The following ELMOD1 variants were observed in gnomAD, a reference collection of about 807,000 sequenced individuals.
The protein encoded by ELMOD1 is ELMO domain containing 1, also known as ELMO domain-containing protein 1.
In ELMOD1, 21 loss-of-function variants were observed where a neutral mutation model predicts 46.7. That is an observed-to-expected ratio of 0.45 (90% CI 0.32 to 0.65). The LOEUF (loss-of-function observed/expected upper bound fraction) is 0.65. Among genes scored for constraint, ELMOD1 ranks in the 30% least tolerant of loss-of-function variants. ELMOD1 has a pLI of 0.04. For missense variants in ELMOD1, 348 were observed against 407.8 expected (o/e 0.85, Z 1.26); for synonymous variants, 122 against 138.2 (o/e 0.88, Z 0.82).
In ELMOD1 at chr11:107,654,199, G is replaced by T; in HGVS notation, c.675G>T (p.Lys225Asn). 1 of 1,591,174 alleles carries T rather than the reference G, an allele frequency of 6.3e-7. No homozygotes were observed. Among genetic ancestry groups the T allele is most frequent in the Non-Finnish European group, 8.6e-7 (1 of 1,167,976 alleles). ...ISKFSKAEWE[K>N]KRMDKAIGYS... ...AATTCAGCAAAGCAGAATGGGAGAA[G>T]AAAAGGATGGATAAGGCAATTGGGT... is the stretch of plus-strand genomic sequence containing the variant. Residue 225 changes from lysine (K) to asparagine (N), a missense_variant, in exon 10 of 12, where the codon AAG becomes AAT. Transcript: ENST00000265840.
intron 1 of ELMOD1, among the ~76,000 whole-genome samples, chr11:107,597,080 T>C (rs183656164): frequency 1.3e-5 from 2 of 152,288 alleles, no homozygotes; most frequent in African/African-American, 4.8e-5. Context: ...TAGAAGCTGG[T>C]TTCTGTTGGT....
intron 7 of ELMOD1, among the ~76,000 whole-genome samples, chr11:107,648,727 G>T (rs962487900): frequency 6.7e-6 from 1 of 149,604 alleles, no homozygotes; most frequent in African/African-American, 2.5e-5. Flanking sequence ...AATTCTCAGA[G>T]TCAGGAGTTA....
At chr11:107,600,761 A>G (rs1865583711) in intron 1 of ELMOD1, 1 of 152,582 alleles carries the variant, frequency 6.6e-6, no homozygotes, top group Admixed American at 6.6e-5. Flanking sequence ...CAACACACAC[A>G]TCTGTAATGT....
intron 7 of ELMOD1, among the ~76,000 whole-genome samples, chr11:107,648,386 T>C (rs1866469739): frequency 6.6e-6 from 1 of 152,162 alleles, no homozygotes; most frequent in African/African-American, 2.4e-5. Flanking sequence ...TTCCTGAAAA[T>C]TGGAGGTATG....
At chr11:107,627,940 A>G (rs1866070515) in intron 2 of ELMOD1, among the ~76,000 whole-genome samples, 1 of 152,182 alleles carries the variant, frequency 6.6e-6, no homozygotes, top group African/African-American at 2.4e-5. Context: ...TGAAAATTGC[A>G]CATGGAACAG....
At chr11:107,619,671 T>A (rs1397715639) in intron 2 of ELMOD1, among the ~76,000 whole-genome samples, 1 of 152,190 alleles carries the variant, frequency 6.6e-6, no homozygotes, top group Non-Finnish European at 1.5e-5. Context: ...AGCCTTTGGT[T>A]CTGTTAGTTT....
At chr11:107,654,037 G>A in intron 9 of ELMOD1, 135 bp from the exon 10 acceptor site, 1 of 727,848 alleles carries the variant, frequency 1.4e-6, no homozygotes, top group Non-Finnish European at 2.3e-6. Flanking sequence ...TTGTACTGTG[G>A]CTTAACATTT....
intron 1 of ELMOD1, among the ~76,000 whole-genome samples, chr11:107,594,252 G>A (rs542881527): frequency 6.6e-6 from 1 of 151,354 alleles, no homozygotes; most frequent in African/African-American, 2.4e-5. Flanking sequence ...AAGAGAGCGA[G>A]ATCTTATCCT....
At chr11:107,598,513 T>C (rs1253294057) in intron 1 of ELMOD1, among the ~76,000 whole-genome samples, 1 of 152,136 alleles carries the variant, frequency 6.6e-6, no homozygotes, top group Admixed American at 6.5e-5. Flanking sequence ...CACTCTTTGA[T>C]CAGTCAAGGA....
intron 1 of ELMOD1, chr11:107,600,252 C>T (rs933332965): frequency 2.0e-5 from 3 of 151,718 alleles, no homozygotes; most frequent in African/African-American, 7.3e-5. Flanking sequence ...AATGACTTTA[C>T]AAAAATATAC....
At position 107,654,170 on chromosome 11, in the gene ELMOD1, A is replaced by G; in HGVS notation, c.648-2A>G. On this transcript the variant is annotated splice_acceptor_variant, in intron 9 of 11. Transcript: ENST00000265840. LOFTEE classifies it high-confidence loss of function. ...TACTTACTTATTCATTCATCCATTCAGCAAATTCAGCAAAGCAGAATGGGA... is the reference window on the plus strand; with the variant it reads ...TACTTACTTATTCATTCATCCATTCGGCAAATTCAGCAAAGCAGAATGGGA... 6.3e-7 allele frequency: 1 copy of G among 1,579,704 alleles called. No homozygotes were observed. Among genetic ancestry groups the G allele is most frequent in the South Asian group, 1.2e-5 (1 of 85,718 alleles).
In ELMOD1 at chr11:107,654,189, A is replaced by T. The variant is rs1866579224; in HGVS notation, c.665A>T (p.Glu222Val). The T allele has an allele frequency of 6.3e-7, 1 of 1,589,694 alleles. No homozygotes were observed. The highest frequency in any genetic ancestry group is 1.8e-5 in the Admixed American group (1 of 56,588). The change falls in exon 10 of 12, where the codon GAA (glutamate) becomes GTA (valine). Residue 222 changes from glutamate to valine, a missense_variant. Glu to Val is a moderately radical substitution (Grantham distance 121, BLOSUM62 -2). Transcript: ENST00000265840. ...KEEISKFSKA[E>V]WEKKRMDKAI... ...CCATTCAGCAAATTCAGCAAAGCAG[A>T]ATGGGAGAAGAAAAGGATGGATAAG... is the stretch of plus-strand genomic sequence containing the variant.
At chr11:107,637,714 A>C (rs1866253724) in intron 6 of ELMOD1, among the ~76,000 whole-genome samples, 1 of 152,018 alleles carries the variant, frequency 6.6e-6, no homozygotes. Flanking sequence ...ACCAAAAAAA[A>C]AAAAATCACT....
intron 1 of ELMOD1, among the ~76,000 whole-genome samples, chr11:107,603,446 G>A (rs1056912386): frequency 6.6e-6 from 1 of 152,182 alleles, no homozygotes; most frequent in African/African-American, 2.4e-5. Flanking sequence ...GGCTGAGGTG[G>A]GAGGATCGCT....
rs183437188 is a variant in ELMOD1 at position 107,648,877 on chromosome 11, C to A, written c.554+1276C>A. Among the ~76,000 whole-genome samples the A allele has an allele frequency of 2.8e-3, 418 of 151,696 alleles. 4 individuals are homozygous for A. The highest frequency in any genetic ancestry group is 9.7e-3 in the African/African-American group (400 of 41,314). ...TATTTTTTTCATGCTTTAATTCAGT[C>A]ATGTGTAGTCATTATTTTTTGAGTC... On this transcript the variant is annotated intron_variant, in intron 7 of 11. Coordinates refer to ENST00000265840, the MANE Select transcript of ELMOD1 (RefSeq NM_018712.4).
Position 107,665,140 on chromosome 11 carries a change from C to A in ELMOD1, c.948C>A (p.Asn316Lys). ...FRKRIIKQLQ[N>K]PDMALCPHFA... is the part of the protein sequence containing the mutation. ...AGAGGATCATCAAACAGCTGCAGAACCCAGACATGGCGCTGTGCCCACATT... is the reference window on the plus strand; with the variant it reads ...AGAGGATCATCAAACAGCTGCAGAAACCAGACATGGCGCTGTGCCCACATT... Residue 316 changes from asparagine to lysine, a missense_variant, in exon 12 of 12, where the codon AAC becomes AAA. Physicochemically the swap from Asn to Lys is moderately conservative, Grantham distance 94. Transcript: ENST00000265840. The A allele has an allele frequency of 6.2e-7, 1 of 1,613,954 alleles. No individual in the cohort carries two copies. The highest frequency in any genetic ancestry group is 1.1e-5 in the South Asian group (1 of 91,078).
At chr11:107,593,650 CA>C (rs1865443636) in intron 1 of ELMOD1, among the ~76,000 whole-genome samples, 1 of 152,130 alleles carries the variant, frequency 6.6e-6, no homozygotes, top group Non-Finnish European at 1.5e-5. Flanking sequence ...CCAGATTTAG[CA>C]AATAAAAAGG....
At chr11:107,593,229 T>A (rs1865434646) in intron 1 of ELMOD1, 1 of 152,452 alleles carries the variant, frequency 6.6e-6, no homozygotes, top group African/African-American at 2.4e-5. Context: ...AAATCAAAGA[T>A]TTGTTTATTT....
At chr11:107,626,177 C>T (rs759054696) in intron 2 of ELMOD1, among the ~76,000 whole-genome samples, 4 of 151,664 alleles carry the variant, frequency 2.6e-5, no homozygotes, top group Non-Finnish European at 4.4e-5. Context: ...GAATATTGCC[C>T]AATTAAAACT....
Sources: gnomAD v4.1 joint callset for allele counts (sites outside exome capture counted in the v4.1 genomes callset) on GRCh38, gnomAD v4.1.1 for gene constraint, MANE v1.5 for transcripts, NCBI Gene and HGNC (gene_info 2026-07-23, HGNC 2026-07-21) for gene names.